Variants in DOCK3 observed in about 807,000 individuals in gnomAD.
DOCK3 encodes dedicator of cytokinesis protein 3.
DOCK3 carries 60 observed loss-of-function variants against 265.6 expected under a neutral mutation model. The ratio of observed to expected loss-of-function variants is 0.23; its 90% CI spans 0.18 to 0.28. The LOEUF (loss-of-function observed/expected upper bound fraction) is 0.28. DOCK3 is among the 10% of genes least tolerant of loss of function. DOCK3 has a pLI of 1.00. For synonymous variants in DOCK3, 881 were observed against 938.0 expected, an observed-to-expected ratio of 0.94 and a Z score of 1.11; for missense variants, 1,981 against 2,594.3, an observed-to-expected ratio of 0.76 and a Z score of 5.14.
chr3:50,702,750 GTT>G lies in DOCK3; in HGVS notation c.37+27452_37+27453del, dbSNP rs557294467. Among the ~76,000 whole-genome samples the G allele has an allele frequency of 2.1e-4, 31 of 150,824 alleles. 1 individual carries two copies. In the South Asian group the frequency reaches 2.1e-3, roughly 10 times the overall value. ...CTAAGACTTTTTTTTTTTTCCTGTA[GTT>G]TCCAGCTTTTTCTGTGTATAAGATC... is the stretch of plus-strand genomic sequence containing the variant. On this transcript the variant is annotated intron_variant, in intron 1 of 52. Transcript: ENST00000266037.
At chr3:51,245,016 G>A (rs949792684) in intron 21 of DOCK3, among the ~76,000 whole-genome samples, 2 of 152,138 alleles carry the variant, frequency 1.3e-5, no homozygotes, top group African/African-American at 4.8e-5. Flanking sequence ...ACAAATATGA[G>A]AAACACAGGT....
intron 5 of DOCK3, among the ~76,000 whole-genome samples, chr3:50,989,118 A>G (rs2078009518): frequency 6.6e-6 from 1 of 151,982 alleles, no homozygotes; most frequent in Admixed American, 6.6e-5. Context: ...ACCGCCCCCT[A>G]CTGCTTGTCA....
intron 5 of DOCK3, among the ~76,000 whole-genome samples, chr3:51,046,666 G>A (rs1475316208): frequency 6.6e-6 from 1 of 151,982 alleles, no homozygotes; most frequent in Non-Finnish European, 1.5e-5. Context: ...TTTCAATAAT[G>A]GATAGATCAG....
chr3:50,943,763 CTT>C (rs2076359056), intron 5 of DOCK3, among the ~76,000 whole-genome samples: 2 of 152,050 alleles, frequency 1.3e-5, no homozygotes, highest in Admixed American at 1.3e-4. Flanking sequence ...CTACGTTTAC[CTT>C]TTATCACATT....
intron 1 of DOCK3, among the ~76,000 whole-genome samples, chr3:50,702,424 C>T (rs368279308): frequency 1.1e-4 from 16 of 152,000 alleles, no homozygotes; most frequent in African/African-American, 2.7e-4. Flanking sequence ...AGTGCAGTGG[C>T]GCAATCTCGG....
intron 12 of DOCK3, among the ~76,000 whole-genome samples, chr3:51,195,790 T>G (rs2088259917): frequency 6.6e-6 from 1 of 152,160 alleles, no homozygotes; most frequent in Non-Finnish European, 1.5e-5. Flanking sequence ...AGAATTTTTT[T>G]GTAGGGCCAG....
At chr3:51,100,450 C>T (rs1424469538) in intron 9 of DOCK3, among the ~76,000 whole-genome samples, 1 of 152,112 alleles carries the variant, frequency 6.6e-6, no homozygotes, top group Non-Finnish European at 1.5e-5. Context: ...AGAGGGAGTT[C>T]TGGAGAGAAG....
intron 32 of DOCK3, among the ~76,000 whole-genome samples, chr3:51,327,133 G>A (rs534093699): frequency 1.3e-5 from 2 of 152,190 alleles, no homozygotes; most frequent in South Asian, 2.1e-4. Context: ...GTGCTGAGCC[G>A]TGTCAGCTGT....
At chr3:50,768,448 G>A (rs994852576) in intron 1 of DOCK3, among the ~76,000 whole-genome samples, 7 of 152,216 alleles carry the variant, frequency 4.6e-5, no homozygotes, top group Middle Eastern at 3.4e-3. Context: ...ACCGAATCCA[G>A]CAGCACATCA....
chr3:50,880,295 A>T (rs1184186814), intron 3 of DOCK3, among the ~76,000 whole-genome samples: 5 of 152,018 alleles, frequency 3.3e-5, no homozygotes, highest in African/African-American at 4.8e-5. Flanking sequence ...ACTGAAGGAG[A>T]TAGAGACACA....
chr3:50,924,067 G>C (rs2050639421), intron 4 of DOCK3, among the ~76,000 whole-genome samples: 1 of 152,106 alleles, frequency 6.6e-6, no homozygotes, highest in Non-Finnish European at 1.5e-5. Flanking sequence ...GGCCTCATGG[G>C]AATCTCAGCT....
At chr3:50,970,944 T>G (rs1227875128) in intron 5 of DOCK3, among the ~76,000 whole-genome samples, 1 of 73,682 alleles carries the variant, frequency 1.4e-5, no homozygotes, top group Non-Finnish European at 2.5e-5. Flanking sequence ...TATATATATA[T>G]ATAATGTGTG....
intron 1 of DOCK3, among the ~76,000 whole-genome samples, chr3:50,721,716 C>A (rs1161732984): frequency 1.3e-5 from 2 of 152,208 alleles, no homozygotes; most frequent in East Asian, 3.9e-4. Context: ...ATAACTTTTT[C>A]TAATTCTTTG....
chr3:51,328,643 TGTCCTCATTTTCTG>T (rs1337183552), intron 32 of DOCK3, among the ~76,000 whole-genome samples: 1 of 152,098 alleles, frequency 6.6e-6, no homozygotes, highest in African/African-American at 2.4e-5. Context: ...TTTATTTCTC[TGTCCTCATTTTCTG>T]GTCATCGGAC....
intron 12 of DOCK3, among the ~76,000 whole-genome samples, chr3:51,161,515 G>A (rs1191173072): frequency 6.6e-6 from 1 of 152,234 alleles, no homozygotes; most frequent in South Asian, 2.1e-4. Context: ...TTGGGGTGGG[G>A]CCCAGGCAGC....
At chr3:51,045,765 A>G (rs1299588229) in intron 5 of DOCK3, among the ~76,000 whole-genome samples, 2 of 152,204 alleles carry the variant, frequency 1.3e-5, no homozygotes, top group East Asian at 1.9e-4. Context: ...CTTGGTATTT[A>G]TAATGGAATA....
chr3:51,294,702 A>T (rs1257675565), intron 27 of DOCK3, among the ~76,000 whole-genome samples: 1 of 112,508 alleles, frequency 8.9e-6, no homozygotes. Flanking sequence ...AAAAAAAAAA[A>T]AAAATTGAAC....
In DOCK3 at chr3:50,721,045, T is replaced by G. The variant is rs1285836441; in HGVS notation, c.37+45745T>G. Reference sequence around the variant, plus strand: ...GTTTTTTGCCTTTTAATGTGTTTTTTTTTGTTTGTTTTTTGCTTGTTAATT... The same window carrying G: ...GTTTTTTGCCTTTTAATGTGTTTTTGTTTGTTTGTTTTTTGCTTGTTAATT... On this transcript the variant is annotated intron_variant, in intron 1 of 52. Transcript: ENST00000266037. Among the ~76,000 whole-genome samples, 6 of 152,154 alleles carry G rather than the reference T, an allele frequency of 3.9e-5. No homozygotes were observed. In the East Asian group the frequency reaches 7.7e-4, roughly 20 times the overall value.
At chr3:50,978,108 A>T (rs1308041798) in intron 5 of DOCK3, among the ~76,000 whole-genome samples, 3 of 151,904 alleles carry the variant, frequency 2.0e-5, no homozygotes, top group Admixed American at 6.6e-5. Context: ...CGTAGCTCAG[A>T]GTAATTTGAT....
Sources: allele counts gnomAD v4.1 joint callset (sites outside exome capture counted in the v4.1 genomes callset), GRCh38; gene constraint gnomAD v4.1.1; transcripts MANE v1.5; gene names NCBI Gene and HGNC (gene_info 2026-07-23, HGNC 2026-07-21).